DLGAP2: variants seen among roughly 807,000 people sequenced by gnomAD.
DLGAP2 encodes DLG associated protein 2, also known as disks large-associated protein 2.
Under a neutral mutation model 100.3 loss-of-function variants are expected in DLGAP2, and 26 were observed. The ratio of observed to expected loss-of-function variants is 0.26; its 90% confidence interval spans 0.19 to 0.36. The LOEUF is 0.36. Ranked by LOEUF, DLGAP2 falls within the 10% of genes least tolerant of loss-of-function variation. The pLI is 1.00. For synonymous variants in DLGAP2, 886 were observed against 630.1 expected (o/e 1.41, Z -6.08); for missense variants, 1,858 against 1,453.2 (o/e 1.28, Z -4.53).
intron 2 of DLGAP2, among the ~76,000 whole-genome samples, chr8:1,007,008 A>T (rs1210999246): frequency 6.8e-6 from 1 of 147,846 alleles, no homozygotes; most frequent in Non-Finnish European, 1.5e-5. Flanking sequence ...CACGTCAGGG[A>T]CACCGTGTGT....
At chr8:1,017,619 C>T in intron 2 of DLGAP2, among the ~76,000 whole-genome samples, 1 of 144,502 alleles carries the variant, frequency 6.9e-6, no homozygotes, top group East Asian at 1.9e-4. Context: ...ACGGCGCCTC[C>T]ACTGTGTGTG....
At chr8:894,937 A>AGGGGCGGGGTGGGGAAAGTGGG (rs1798114884) in intron 1 of DLGAP2, among the ~76,000 whole-genome samples, 1 of 107,250 alleles carries the variant, frequency 9.3e-6, no homozygotes, top group Non-Finnish European at 1.9e-5. Flanking sequence ...GGCGGTTGGC[A>AGGGGCGGGGTGGGGAAAGTGGG]GGGGCGGGGT....
intron 2 of DLGAP2, among the ~76,000 whole-genome samples, chr8:912,571 C>A (rs1049501617): frequency 1.3e-4 from 20 of 152,108 alleles, no homozygotes; most frequent in African/African-American, 4.3e-4. Context: ...TTCTTGGCAG[C>A]CACCAGTTGT....
intron 1 of DLGAP2, among the ~76,000 whole-genome samples, chr8:876,160 CAGTT>C (rs1342394277): frequency 2.0e-5 from 3 of 152,088 alleles, no homozygotes; most frequent in South Asian, 2.1e-4. Flanking sequence ...TATTTTAAAT[CAGTT>C]AGGAGGACAG....
intron 1 of DLGAP2, among the ~76,000 whole-genome samples, chr8:795,259 T>C (rs1278779272): frequency 6.6e-6 from 1 of 152,222 alleles, no homozygotes; most frequent in Non-Finnish European, 1.5e-5. Context: ...CTTGTTTTAT[T>C]TGTGTTTCTG....
At chr8:798,590 CGCTTGTTG>C in intron 1 of DLGAP2, among the ~76,000 whole-genome samples, 1 of 135,758 alleles carries the variant, frequency 7.4e-6, no homozygotes. Flanking sequence ...TGAAAGCAAA[CGCTTGTTG>C]AGTCAGGACC....
At chr8:1,600,773 G>A (rs2977217) in intron 6 of DLGAP2, among the ~76,000 whole-genome samples, 28 of 151,948 alleles carry the variant, frequency 1.8e-4, no homozygotes, top group Non-Finnish European at 3.7e-4. Context: ...AGCAATTCCT[G>A]TAACCTTTTT....
At chr8:976,006 T>A (rs1051055534) in intron 2 of DLGAP2, among the ~76,000 whole-genome samples, 3 of 152,162 alleles carry the variant, frequency 2.0e-5, no homozygotes, top group African/African-American at 4.8e-5. Context: ...GGTTGCAAGA[T>A]ACAAGGTTAT....
chr8:1,175,312 T>C (rs1473799956), intron 2 of DLGAP2, among the ~76,000 whole-genome samples: 1 of 152,050 alleles, frequency 6.6e-6, no homozygotes, highest in Non-Finnish European at 1.5e-5. Context: ...GATCAATACA[T>C]GTACGTGTGG....
intron 2 of DLGAP2, chr8:927,147 G>A: frequency 5.1e-6 from 5 of 985,458 alleles, no homozygotes; most frequent in Non-Finnish European, 6.0e-6. Context: ...ACATGAAGGT[G>A]AAGCTGGTGA....
intron 2 of DLGAP2, among the ~76,000 whole-genome samples, chr8:937,565 G>C (rs1799100162): frequency 6.6e-6 from 1 of 152,180 alleles, no homozygotes; most frequent in African/African-American, 2.4e-5. Flanking sequence ...CAGAGAGAGA[G>C]CAATCTTTCT....
intron 2 of DLGAP2, among the ~76,000 whole-genome samples, chr8:973,054 C>G (rs1800058105): frequency 1.3e-5 from 2 of 152,266 alleles, no homozygotes; most frequent in South Asian, 2.1e-4. Flanking sequence ...ATTTCTCTAT[C>G]TTTTCACCAC....
chr8:1,325,727 G>A (rs143590368), intron 3 of DLGAP2, among the ~76,000 whole-genome samples: 74 of 152,240 alleles, frequency 4.9e-4, no homozygotes, highest in African/African-American at 1.7e-3. Context: ...CTTTGGTACC[G>A]CTTGCCAAAG....
intron 2 of DLGAP2, among the ~76,000 whole-genome samples, chr8:1,024,068 C>T (rs1270967248): frequency 6.6e-6 from 1 of 151,998 alleles, no homozygotes; most frequent in Non-Finnish European, 1.5e-5. Flanking sequence ...TGTTTCAGAC[C>T]TCTTCCTGCA....
chr8:809,725 G>C (rs568933276), intron 1 of DLGAP2, among the ~76,000 whole-genome samples: 1 of 152,296 alleles, frequency 6.6e-6, no homozygotes, highest in Admixed American at 6.5e-5. Flanking sequence ...TTTGGCTGAA[G>C]ATTCCCCCTC....
At chr8:1,641,354 C>T (rs35933993) in intron 8 of DLGAP2, among the ~76,000 whole-genome samples, 29,117 of 152,050 alleles carry the variant, frequency 0.19, 2,848 homozygotes, top group Middle Eastern at 0.37. Flanking sequence ...TCAAAACCAC[C>T]GTTTTCAAGT....
chr8:1,361,202 A>C (rs948175975), intron 3 of DLGAP2, among the ~76,000 whole-genome samples: 4 of 152,104 alleles, frequency 2.6e-5, no homozygotes, highest in African/African-American at 9.7e-5. Context: ...CCAACTGCAA[A>C]TGTGTAGCCC....
intron 4 of DLGAP2, among the ~76,000 whole-genome samples, chr8:1,526,297 C>T (rs1047280846): frequency 2.0e-5 from 3 of 151,900 alleles, no homozygotes; most frequent in African/African-American, 7.3e-5. Flanking sequence ...GCCTCACCTG[C>T]GTTAACCTTC....
In DLGAP2 at chr8:1,366,970, C is replaced by T. The variant is rs530252760; in HGVS notation, c.106+108087C>T. Among the ~76,000 whole-genome samples, 18 of 149,828 alleles carry T rather than the reference C, an allele frequency of 1.2e-4. 1 individual carries two copies. Among genetic ancestry groups the T allele is most frequent in the East Asian group, 3.9e-4 (2 of 5,104 alleles). ...TACATGGCAACCCCTCCAACACACA[C>T]GCACGTGACCACAGACCCCGGTAAA... On this transcript the variant is annotated intron_variant, in intron 3 of 14. Coordinates refer to ENST00000637795, the MANE Select transcript of DLGAP2 (RefSeq NM_001346810.2).
Sources: allele counts gnomAD v4.1 joint callset (sites outside exome capture counted in the v4.1 genomes callset), GRCh38; gene constraint gnomAD v4.1.1; transcripts MANE v1.5; gene names NCBI Gene and HGNC (gene_info 2026-07-23, HGNC 2026-07-21).